The following GYPE variants were observed in gnomAD, a reference collection of about 807,000 sequenced individuals.
The protein encoded by GYPE is glycophorin E (MNS blood group), also known as glycophorin-E.
A neutral mutation model predicts 11.6 loss-of-function variants in GYPE; 8 were observed. That is an observed-to-expected ratio of 0.69 (90% confidence interval 0.41 to 1.25). GYPE has a LOEUF of 1.25. Ranked by LOEUF, GYPE falls within the 50% of genes most tolerant of loss-of-function variation. The probability of loss-of-function intolerance (pLI) is 0.01; values close to 1 mark genes in which losing one functional copy is unlikely to be tolerated. For synonymous variants in GYPE, 28 were observed against 29.6 expected, an observed-to-expected ratio of 0.94 and a Z score of 0.18; for missense variants, 90 against 92.8, an observed-to-expected ratio of 0.97 and a Z score of 0.12.
At chr4:143,881,267 A>G (rs1744012756) in intron 1 of GYPE, among the ~76,000 whole-genome samples, 1 of 151,982 alleles carries the variant, frequency 6.6e-6, no homozygotes, top group Admixed American at 6.6e-5. Context: ...ATCTCATTAA[A>G]TAAATTGTGA....
intron 1 of GYPE, among the ~76,000 whole-genome samples, chr4:143,887,731 T>C (rs1215534673): frequency 1.3e-5 from 2 of 149,918 alleles, no homozygotes; most frequent in Non-Finnish European, 3.0e-5. Context: ...GTTTAATGAT[T>C]AAGTGGCAAA....
chr4:143,874,220 A>T (rs544539280), intron 3 of GYPE, among the ~76,000 whole-genome samples: 1 of 152,176 alleles, frequency 6.6e-6, no homozygotes, highest in East Asian at 1.9e-4. Context: ...AAAAGTGTAA[A>T]GAAAAAGACA....
chr4:143,879,364 T>C (rs1290453332), intron 2 of GYPE, among the ~76,000 whole-genome samples: 7 of 152,102 alleles, frequency 4.6e-5, no homozygotes, highest in Admixed American at 2.0e-4. Flanking sequence ...ATATACTACG[T>C]TGTTTGATGA....
At chr4:143,891,415 GC>G (rs1744401005) in intron 1 of GYPE, among the ~76,000 whole-genome samples, 1 of 144,292 alleles carries the variant, frequency 6.9e-6, no homozygotes, top group Non-Finnish European at 1.5e-5. Flanking sequence ...TGCAAGCTCC[GC>G]CTCCCGGGTT....
chr4:143,876,703 T>C, intron 3 of GYPE, 43 bp downstream of exon 3: 3 of 964,584 alleles, frequency 3.1e-6, no homozygotes. Context: ...CCGAGAGCTG[T>C]TCACACTGGT....
At chr4:143,898,951 G>A (rs1001107544) in intron 1 of GYPE, among the ~76,000 whole-genome samples, 1 of 145,702 alleles carries the variant, frequency 6.9e-6, no homozygotes, top group Non-Finnish European at 1.5e-5. Flanking sequence ...TACTATTCAT[G>A]TTTTATGTTT....
chr4:143,887,860 G>C (rs1744265704), intron 1 of GYPE, among the ~76,000 whole-genome samples: 1 of 143,648 alleles, frequency 7.0e-6, no homozygotes, highest in South Asian at 2.4e-4. Context: ...ATGGTACTTA[G>C]TACAAAGTAA....
intron 2 of GYPE, 26 bp downstream of exon 2, chr4:143,880,385 A>G: frequency 3.1e-6 from 5 of 1,613,818 alleles, no homozygotes; most frequent in South Asian, 1.1e-5. Context: ...CGGAGCCACA[A>G]TTTAAAAATA....
chr4:143,891,270 G>A (rs1744390731), intron 1 of GYPE, among the ~76,000 whole-genome samples: 2 of 151,050 alleles, frequency 1.3e-5, no homozygotes, highest in Non-Finnish European at 2.9e-5. Flanking sequence ...GTGGGCAGTA[G>A]AATTTGAATT....
At chr4:143,889,759 A>C (rs1744334069) in intron 1 of GYPE, among the ~76,000 whole-genome samples, 1 of 152,162 alleles carries the variant, frequency 6.6e-6, no homozygotes, top group Non-Finnish European at 1.5e-5. Context: ...CACTTACTGC[A>C]CACTTACTTC....
chr4:143,888,133 A>G (rs1317881115), intron 1 of GYPE, among the ~76,000 whole-genome samples: 6 of 95,098 alleles, frequency 6.3e-5, no homozygotes, highest in Non-Finnish European at 1.3e-4. Flanking sequence ...ACATGTTAGG[A>G]TAACGACTGG....
chr4:143,897,222 G>C (rs1034758387), intron 1 of GYPE, among the ~76,000 whole-genome samples: 17 of 152,164 alleles, frequency 1.1e-4, no homozygotes, highest in African/African-American at 3.9e-4. Flanking sequence ...CCAGTGCTTT[G>C]GGAGGCCAAG....
At chr4:143,890,885 A>G (rs1441389018) in intron 1 of GYPE, among the ~76,000 whole-genome samples, 1 of 151,526 alleles carries the variant, frequency 6.6e-6, no homozygotes, top group Non-Finnish European at 1.5e-5. Context: ...GGATAAGCTC[A>G]TCAGTGTGTG....
intron 1 of GYPE, among the ~76,000 whole-genome samples, chr4:143,883,739 T>G (rs1450529968): frequency 6.6e-6 from 1 of 150,616 alleles, no homozygotes; most frequent in Non-Finnish European, 1.5e-5. Flanking sequence ...GCAGAATGAA[T>G]GCAAGCATCT....
At chr4:143,876,998 T>C (rs1484394616) in intron 2 of GYPE, 143 bp from the exon 3 acceptor site, 1 of 651,514 alleles carries the variant, frequency 1.5e-6, no homozygotes, top group African/African-American at 1.8e-5. Flanking sequence ...GTGTATTTTG[T>C]CTTTTTTAAA....
intron 1 of GYPE, among the ~76,000 whole-genome samples, chr4:143,892,821 T>G (rs1435079824): frequency 6.0e-5 from 9 of 148,848 alleles, no homozygotes; most frequent in Admixed American, 2.0e-4. Context: ...AGATGTCTAT[T>G]AGGTCCACTT....
rs545988269 is a variant in GYPE at position 143,883,379 on chromosome 4, A to G, written c.38-2870T>C. Among the ~76,000 whole-genome samples the G allele has an allele frequency of 1.2e-4, 18 of 151,860 alleles. No individual in the cohort carries two copies. In the South Asian group the frequency reaches 3.3e-3, roughly 28 times the overall value. On this transcript the variant is annotated intron_variant, in intron 1 of 3. Transcript: ENST00000358615. ...ATTAAACCTCTTTTCTTTATAAATT[A>G]CCCAGTCTCAGTTATTTCTATATAG...
intron 3 of GYPE, chr4:143,873,260 A>G (rs1438847371): frequency 3.3e-6 from 1 of 306,522 alleles, no homozygotes; most frequent in Non-Finnish European, 6.5e-6. Flanking sequence ...TGCTAGGCCT[A>G]GAAAAAGTTT....
chr4:143,894,009 C>T (rs1744519664), intron 1 of GYPE, among the ~76,000 whole-genome samples: 1 of 152,102 alleles, frequency 6.6e-6, no homozygotes, highest in Non-Finnish European at 1.5e-5. Context: ...TTGTTCATTT[C>T]TTTTTATTCT....
Sources: allele counts gnomAD v4.1 joint callset (sites outside exome capture counted in the v4.1 genomes callset), GRCh38; gene constraint gnomAD v4.1.1; transcripts MANE v1.5; gene names NCBI Gene and HGNC (gene_info 2026-07-23, HGNC 2026-07-21).